Variants in MARCO observed in about 807,000 individuals in gnomAD.
The protein encoded by MARCO is macrophage receptor with collagenous structure.
MARCO carries 72 observed loss-of-function variants against 70.0 expected under a neutral mutation model. The ratio of observed to expected loss-of-function variants is 1.03; its 90% CI spans 0.85 to 1.25. The LOEUF is 1.25. Among genes scored for constraint, MARCO ranks in the 50% most tolerant of loss-of-function variants. The pLI is 0.00. For missense variants in MARCO, 696 were observed against 659.3 expected (o/e 1.06, Z -0.61); for synonymous variants, 273 against 243.1 (o/e 1.12, Z -1.14).
chr2:118,989,092 T>G (rs1388268457), intron 12 of MARCO, among the ~76,000 whole-genome samples: 1 of 152,202 alleles, frequency 6.6e-6, no homozygotes, highest in Non-Finnish European at 1.5e-5. Flanking sequence ...TTGGAACCAC[T>G]TTGCTTTACT....
intron 2 of MARCO, among the ~76,000 whole-genome samples, chr2:118,969,656 G>T (rs1250139081): frequency 6.6e-6 from 1 of 152,196 alleles, no homozygotes; most frequent in East Asian, 1.9e-4. Context: ...CAATCTAAAG[G>T]TTAAAGTCAT....
intron 1 of MARCO, among the ~76,000 whole-genome samples, chr2:118,964,847 C>T (rs995395104): frequency 1.4e-5 from 2 of 148,042 alleles, no homozygotes; most frequent in South Asian, 2.1e-4. Flanking sequence ...GAGATCATGC[C>T]AGTACACTCC....
chr2:118,953,545 T>G (rs1236611721), intron 1 of MARCO, among the ~76,000 whole-genome samples: 1 of 151,974 alleles, frequency 6.6e-6, no homozygotes, highest in African/African-American at 2.4e-5. Context: ...TTTCTGGAGG[T>G]GGGGGGAACG....
At chr2:118,950,032 T>A (rs900420232) in intron 1 of MARCO, 3 of 152,244 alleles carry the variant, frequency 2.0e-5, no homozygotes, top group Non-Finnish European at 2.9e-5. Flanking sequence ...TTATAGTCCT[T>A]TGTGCCTTCT....
At chr2:118,974,997 T>C (rs1429057956) in intron 6 of MARCO, among the ~76,000 whole-genome samples, 1 of 152,106 alleles carries the variant, frequency 6.6e-6, no homozygotes, top group South Asian at 2.1e-4. Flanking sequence ...CCTCAGTTTC[T>C]TTTTCTGTGA....
intron 1 of MARCO, among the ~76,000 whole-genome samples, chr2:118,960,178 T>C (rs1193505071): frequency 6.6e-6 from 1 of 151,932 alleles, no homozygotes; most frequent in Non-Finnish European, 1.5e-5. Context: ...GTGGAATGGT[T>C]TATGTAGATG....
intron 12 of MARCO, among the ~76,000 whole-genome samples, chr2:118,986,649 GAA>G (rs1168548950): frequency 2.2e-5 from 1 of 45,460 alleles, no homozygotes; most frequent in Non-Finnish European, 3.8e-5. Context: ...AAGAAAGAAA[GAA>G]AGAAGGAAGG....
chr2:118,942,523 T>A (rs1679523967), intron 1 of MARCO, 126 bp downstream of exon 1: 1 of 677,188 alleles, frequency 1.5e-6, no homozygotes, highest in Admixed American at 2.4e-5. Context: ...CACGTAATCA[T>A]CACTAATACT....
chr2:118,983,009 A>G (rs1680423909), intron 12 of MARCO, among the ~76,000 whole-genome samples: 1 of 152,204 alleles, frequency 6.6e-6, no homozygotes, highest in Admixed American at 6.5e-5. Context: ...CTTGGTCTAG[A>G]AAGTCCAGAC....
At chr2:118,989,783 T>A (rs1454414297) in intron 12 of MARCO, among the ~76,000 whole-genome samples, 2 of 152,206 alleles carry the variant, frequency 1.3e-5, no homozygotes, top group Non-Finnish European at 2.9e-5. Flanking sequence ...TTATTGATAG[T>A]CAATAATGAG....
At chr2:118,987,135 AT>A (rs913443525) in intron 12 of MARCO, among the ~76,000 whole-genome samples, 7 of 152,232 alleles carry the variant, frequency 4.6e-5, no homozygotes, top group African/African-American at 1.7e-4. Flanking sequence ...GGAGAATATT[AT>A]TTCTGTAAAA....
rs144080988 is a variant in MARCO at position 118,970,116 on chromosome 2, C to G, written c.202C>G (p.Leu68Val). Reference sequence around the variant, plus strand: ...GAATGCTGTGGGGTGGGGCCCAGTTCTGAATCTGCAGGCGCGGCTCCGGGT... The same window carrying G: ...GAATGCTGTGGGGTGGGGCCCAGTTGTGAATCTGCAGGCGCGGCTCCGGGT... ...AGAGLLVVQV[L>V]NLQARLRVLE... is the part of the protein sequence containing the mutation. The change falls in exon 3 of 17, where the codon CTG becomes GTG. Residue 68 changes from leucine (L) to valine (V), a missense_variant and splice_region_variant. Transcript: ENST00000327097. 8.0e-4 allele frequency: 1,292 copies of G among 1,613,786 alleles called. 3 individuals carry two copies. The highest frequency in any genetic ancestry group is 9.8e-4 in the Admixed American group (59 of 60,020).
chr2:118,967,515 G>T (rs1680075540), intron 1 of MARCO, among the ~76,000 whole-genome samples: 1 of 152,146 alleles, frequency 6.6e-6, no homozygotes, highest in Non-Finnish European at 1.5e-5. Context: ...GGCTCACTCA[G>T]GCTGCTGTGT....
intron 12 of MARCO, among the ~76,000 whole-genome samples, chr2:118,986,265 G>T (rs1449262952): frequency 6.6e-6 from 1 of 152,032 alleles, no homozygotes; most frequent in Non-Finnish European, 1.5e-5. Flanking sequence ...TCCTAAATTT[G>T]CCAGGTTGCA....
In MARCO at chr2:118,979,782, C is replaced by G. The variant is rs117910103; in HGVS notation, c.767-1627C>G. Among the ~76,000 whole-genome samples, 390 of 152,324 alleles carry G rather than the reference C, an allele frequency of 2.6e-3. 14 individuals carry two copies. In the East Asian group the frequency reaches 0.066, roughly 26 times the overall value. ...TGAGGTCTCTCTTACCCATGGCTTG[C>G]TCAATCCACTGCTGGTGGCTGGGCT... is the stretch of plus-strand genomic sequence containing the variant. On this transcript the variant is annotated intron_variant, in intron 8 of 16. Transcript: ENST00000327097.
chr2:118,971,123 C>G (rs1022075435), intron 3 of MARCO, among the ~76,000 whole-genome samples: 1 of 152,142 alleles, frequency 6.6e-6, no homozygotes, highest in Non-Finnish European at 1.5e-5. Context: ...AAGGAGTCCA[C>G]GTTCAGACAC....
At chr2:118,947,937 T>C (rs1679634236) in intron 1 of MARCO, among the ~76,000 whole-genome samples, 1 of 152,228 alleles carries the variant, frequency 6.6e-6, no homozygotes, top group African/African-American at 2.4e-5. Flanking sequence ...AGAATTGATA[T>C]CTTTATTATT....
At chr2:118,960,049 A>T (rs1679912594) in intron 1 of MARCO, among the ~76,000 whole-genome samples, 1 of 152,012 alleles carries the variant, frequency 6.6e-6, no homozygotes, top group Admixed American at 6.6e-5. Context: ...CTCACATATC[A>T]CCACTAAACA....
chr2:118,982,024 T>G (rs1487856305), intron 10 of MARCO, 132 bp from the exon 11 acceptor site: 1 of 629,460 alleles, frequency 1.6e-6, no homozygotes, highest in African/African-American at 1.8e-5. Flanking sequence ...AAGAGAGGTG[T>G]TAAAGCTGCC....
Sources: allele counts gnomAD v4.1 joint callset (sites outside exome capture counted in the v4.1 genomes callset), GRCh38; gene constraint gnomAD v4.1.1; transcripts MANE v1.5; gene names NCBI Gene and HGNC (gene_info 2026-07-23, HGNC 2026-07-21).